CDC73: variants seen among roughly 807,000 people sequenced by gnomAD.
CDC73 encodes parafibromin.
CDC73 carries 21 observed loss-of-function variants against 83.7 expected under a neutral mutation model. The observed-to-expected ratio is 0.25, with a 90% CI of 0.18 to 0.36. The LOEUF is 0.36. CDC73 is among the 10% of genes least tolerant of loss of function. The pLI is 1.00. For missense variants in CDC73, 342 were observed against 653.3 expected, an observed-to-expected ratio of 0.52 and a Z score of 5.19; for synonymous variants, 224 against 212.9, an observed-to-expected ratio of 1.05 and a Z score of -0.45.
chr1:193,239,008 A>AT (rs1677812562), intron 15 of CDC73, among the ~76,000 whole-genome samples: 1 of 152,152 alleles, frequency 6.6e-6, no homozygotes, highest in African/African-American at 2.4e-5. Context: ...TTCTCCCATA[A>AT]TTTTAAATAC....
At chr1:193,185,689 A>G (rs1229540266) in intron 10 of CDC73, among the ~76,000 whole-genome samples, 3 of 152,180 alleles carry the variant, frequency 2.0e-5, no homozygotes, top group East Asian at 1.9e-4. Flanking sequence ...ACCTAATTTG[A>G]TAGAATATTG....
intron 10 of CDC73, among the ~76,000 whole-genome samples, chr1:193,159,429 A>G (rs773076099): frequency 5.9e-5 from 9 of 152,064 alleles, no homozygotes; most frequent in Admixed American, 3.3e-4. Context: ...GGAGTGCGGT[A>G]GCGTGATCTC....
chr1:193,185,311 C>G (rs1209768140), intron 10 of CDC73, among the ~76,000 whole-genome samples: 1 of 151,926 alleles, frequency 6.6e-6, no homozygotes, highest in Non-Finnish European at 1.5e-5. Context: ...ATTGATGTCC[C>G]TTTGTTTAAA....
chr1:193,132,902 T>A (rs2103119797), intron 3 of CDC73, among the ~76,000 whole-genome samples: 1 of 147,684 alleles, frequency 6.8e-6, no homozygotes, highest in African/African-American at 2.5e-5. Context: ...TAGATTTTTT[T>A]TTTTTTTTTT....
intron 10 of CDC73, among the ~76,000 whole-genome samples, chr1:193,165,387 G>A (rs1572170395): frequency 6.6e-6 from 1 of 152,314 alleles, no homozygotes; most frequent in Middle Eastern, 3.4e-3. Flanking sequence ...TGCAAATAAA[G>A]TAGTATCATT....
intron 10 of CDC73, among the ~76,000 whole-genome samples, chr1:193,177,388 G>T (rs1232333926): frequency 7.2e-6 from 1 of 138,230 alleles, no homozygotes. Context: ...AAATCAGCCG[G>T]GCGCGGTGGC....
At position 193,138,187 on chromosome 1, in the gene CDC73, T is replaced by G. The variant is rs2103123848; in HGVS notation, c.512+14T>G. ...TGAACAGATTAGGTAAGAATTCTTT[T>G]TAAGTAGAAAGTAGGTAGTTTAGAT... On this transcript the variant is annotated intron_variant, in intron 6 of 16. Transcript: ENST00000367435. 1.3e-6 allele frequency: 2 copies of G among 1,543,952 alleles called. No individual in the cohort carries two copies. Among genetic ancestry groups the G allele is most frequent in the Non-Finnish European group, 9.0e-7 (1 of 1,116,010 alleles).
intron 15 of CDC73, among the ~76,000 whole-genome samples, chr1:193,240,228 C>A (rs1046091075): frequency 7.9e-5 from 12 of 152,302 alleles, no homozygotes; most frequent in Admixed American, 7.2e-4. Context: ...CACAGTATTT[C>A]AGTGTGTATA....
chr1:193,225,806 C>G (rs1264244623), intron 13 of CDC73, among the ~76,000 whole-genome samples: 1 of 151,912 alleles, frequency 6.6e-6, no homozygotes, highest in Non-Finnish European at 1.5e-5. Flanking sequence ...GATATTAGTC[C>G]TTTGTCAGAG....
At chr1:193,138,575 C>T (rs537075516) in intron 6 of CDC73, among the ~76,000 whole-genome samples, 2 of 151,760 alleles carry the variant, frequency 1.3e-5, no homozygotes, top group South Asian at 4.2e-4. Context: ...CAGCCATAGA[C>T]AATACATGAA....
chr1:193,200,864 GT>G (rs1329535054), intron 10 of CDC73, among the ~76,000 whole-genome samples: 1 of 151,998 alleles, frequency 6.6e-6, no homozygotes, highest in Non-Finnish European at 1.5e-5. Context: ...TCTGCATTCC[GT>G]TATGCAGTGA....
At chr1:193,128,496 AGTTTTTCCAT>A (rs1355990971) in intron 2 of CDC73, among the ~76,000 whole-genome samples, 1 of 151,602 alleles carries the variant, frequency 6.6e-6, no homozygotes, top group Non-Finnish European at 1.5e-5. Flanking sequence ...GTAGAGTTGG[AGTTTTTCCAT>A]GTTGCTCAGG....
At chr1:193,232,950 A>C in intron 13 of CDC73, 43 bp from the exon 14 acceptor site, 4 of 1,528,262 alleles carry the variant, frequency 2.6e-6, no homozygotes, top group Non-Finnish European at 2.7e-6. Context: ...CATTTTCATC[A>C]CGTGGAATAC....
intron 2 of CDC73, among the ~76,000 whole-genome samples, chr1:193,128,819 T>C (rs1675634622): frequency 6.6e-6 from 1 of 152,166 alleles, no homozygotes; most frequent in Non-Finnish European, 1.5e-5. Context: ...TGGCCAAAGA[T>C]ACTAAAGGTT....
rs1257938148 is a variant in CDC73, at chr1:193,236,313, A to G, written c.1374A>G (p.Pro458=). ...QGPAWQFKGW[P]WLLPDGSPVD... Reference sequence around the variant, plus strand: ...CTGCATGGCAGTTCAAAGGTTGGCCATGGCTTTTGCCTGATGGATCACCAG... The same window carrying G: ...CTGCATGGCAGTTCAAAGGTTGGCCGTGGCTTTTGCCTGATGGATCACCAG... Residue 458 remains proline (P), a synonymous_variant, in exon 15 of 17, where the codon CCA becomes CCG. Transcript: ENST00000367435. The G allele has an allele frequency of 7.4e-6, 12 of 1,613,858 alleles. No homozygotes were observed. Among genetic ancestry groups the G allele is most frequent in the African/African-American group, 1.3e-5 (1 of 74,928 alleles).
Position 193,205,208 on chromosome 1 carries a change from C to CCCT in CDC73, c.1030+1356_1030+1357insCCT, listed in dbSNP as rs145197340. On this transcript the variant is annotated intron_variant, in intron 11 of 16. Coordinates refer to ENST00000367435, the MANE Select transcript of CDC73 (RefSeq NM_024529.5). ...CTATACCACCTGTCCCCCCCCCCCC[C>CCCT]TTTTTTTTTAAACTCATCAGTGCTG... 1.8e-3 allele frequency among the ~76,000 whole-genome samples: 150 copies of CCCT among 82,470 alleles called. 14 individuals are homozygous for CCCT. Among genetic ancestry groups the CCCT allele is most frequent in the African/African-American group, 3.0e-3 (46 of 15,100 alleles). The allele number at this position is 82,470 out of a possible 152,430, so 54.1% of individuals were successfully genotyped here. A position where few individuals can be genotyped will look rare whatever the true frequency, so the allele number is the denominator to read the frequency against.
chr1:193,250,807 TA>T lies in CDC73; in HGVS notation c.*97del. The T allele has an allele frequency of 9.0e-7, 1 of 1,109,376 alleles. No individual in the cohort carries two copies. Among genetic ancestry groups the T allele is most frequent in the Non-Finnish European group, 1.4e-6 (1 of 728,206 alleles). 68.7% of individuals were successfully genotyped at this position (1,109,376 alleles called of 1,614,324 possible). Reference sequence around the variant, plus strand: ...AAGAAGGTCACAGATTGATCTTTTATAAGACCTTATTTGATGCTTTGTGCTT... The same window carrying T: ...AAGAAGGTCACAGATTGATCTTTTATAGACCTTATTTGATGCTTTGTGCTT... On this transcript the variant is annotated 3_prime_UTR_variant, in exon 17 of 17. Coordinates refer to ENST00000367435, the MANE Select transcript of CDC73 (RefSeq NM_024529.5).
chr1:193,185,162 G>T (rs868687022), intron 10 of CDC73, among the ~76,000 whole-genome samples: 1 of 151,872 alleles, frequency 6.6e-6, no homozygotes, highest in South Asian at 2.1e-4. Flanking sequence ...GGATATTTTT[G>T]TATCAAAGTA....
At chr1:193,129,636 C>T (rs763818817) in intron 2 of CDC73, among the ~76,000 whole-genome samples, 11 of 151,796 alleles carry the variant, frequency 7.2e-5, no homozygotes. Flanking sequence ...CCTCAGCTTC[C>T]TGAGCAGCTG....
Sources: allele counts gnomAD v4.1 joint callset (sites outside exome capture counted in the v4.1 genomes callset), GRCh38; gene constraint gnomAD v4.1.1; transcripts MANE v1.5; gene names NCBI Gene and HGNC (gene_info 2026-07-23, HGNC 2026-07-21).